The following HS3ST4 variants were observed in gnomAD, a reference collection of about 807,000 sequenced individuals.
The protein encoded by HS3ST4 is heparan sulfate glucosamine 3-O-sulfotransferase 4.
HS3ST4 carries 17 observed loss-of-function variants against 29.2 expected under a neutral mutation model. That is an observed-to-expected ratio of 0.58 (90% CI 0.40 to 0.87). The LOEUF (loss-of-function observed/expected upper bound fraction) is 0.87. Among genes scored for constraint, HS3ST4 ranks in the 40% least tolerant of loss-of-function variants. The probability of loss-of-function intolerance (pLI) is 0.00; values close to 1 mark genes in which losing one functional copy is unlikely to be tolerated. For missense variants in HS3ST4, 627 were observed against 634.5 expected (o/e 0.99, Z 0.13); for synonymous variants, 314 against 285.7 (o/e 1.10, Z -1.00).
intron 1 of HS3ST4, among the ~76,000 whole-genome samples, chr16:25,990,112 T>C (rs1481723403): frequency 6.6e-6 from 1 of 152,250 alleles, no homozygotes; most frequent in Admixed American, 6.5e-5. Context: ...CATTTCTTTT[T>C]AGTGCTGAAT....
intron 1 of HS3ST4, among the ~76,000 whole-genome samples, chr16:25,979,192 G>A (rs564518574): frequency 7.9e-5 from 12 of 152,162 alleles, no homozygotes; most frequent in South Asian, 2.1e-4. Flanking sequence ...CACTGCGTCT[G>A]GCCGACTTGT....
At chr16:25,926,095 T>C (rs1033293275) in intron 1 of HS3ST4, among the ~76,000 whole-genome samples, 3 of 152,232 alleles carry the variant, frequency 2.0e-5, no homozygotes, top group African/African-American at 7.2e-5. Flanking sequence ...AAAACTTTAC[T>C]ACATTAAATG....
rs571180595 is a variant in HS3ST4, at chr16:26,093,430, T to C, written c.735-42182T>C. On this transcript the variant is annotated intron_variant, in intron 1 of 1. Transcript: ENST00000331351. ...AGCAATATTTGCTGTTCTGCAATATTTGCTGTTCTGCAGCCTCTGCTGATG... is the reference window on the plus strand; with the variant it reads ...AGCAATATTTGCTGTTCTGCAATATCTGCTGTTCTGCAGCCTCTGCTGATG... Among the ~76,000 whole-genome samples, 3 of 152,300 alleles carry C rather than the reference T, an allele frequency of 2.0e-5. No individual in the cohort carries two copies. In the East Asian group the frequency reaches 5.8e-4, roughly 29 times the overall value.
chr16:25,885,758 T>G (rs999406820), intron 1 of HS3ST4, among the ~76,000 whole-genome samples: 1 of 151,970 alleles, frequency 6.6e-6, no homozygotes, highest in Admixed American at 6.6e-5. Context: ...TTAGTATCTT[T>G]AGTTTGACTC....
chr16:25,929,108 G>A (rs1345655112), intron 1 of HS3ST4, among the ~76,000 whole-genome samples: 2 of 152,220 alleles, frequency 1.3e-5, no homozygotes, highest in African/African-American at 4.8e-5. Flanking sequence ...AGGTGGACCG[G>A]CGTGGGGGCT....
chr16:25,720,323 T>C (rs1370530952), intron 1 of HS3ST4, among the ~76,000 whole-genome samples: 1 of 152,046 alleles, frequency 6.6e-6, no homozygotes. Flanking sequence ...GCTAGATAGG[T>C]AGGAGCCAGA....
At chr16:25,721,087 CA>C (rs1158578145) in intron 1 of HS3ST4, among the ~76,000 whole-genome samples, 1 of 152,270 alleles carries the variant, frequency 6.6e-6, no homozygotes, top group East Asian at 1.9e-4. Flanking sequence ...AGTGACACTT[CA>C]ACTGAGAAGT....
At chr16:26,113,938 G>T (rs1899168565) in intron 1 of HS3ST4, among the ~76,000 whole-genome samples, 1 of 152,176 alleles carries the variant, frequency 6.6e-6, no homozygotes, top group South Asian at 2.1e-4. Flanking sequence ...ATATCTGCAT[G>T]TGTGTGTATA....
In HS3ST4 at chr16:25,793,034, A is replaced by C. The variant is rs78669527; in HGVS notation, c.734+99883A>C. ...TTTGTTTTACTCATGGTTACTAACA[A>C]TTGTGTTACTTACTTTCCAAACATT... On this transcript the variant is annotated intron_variant, in intron 1 of 1. Coordinates refer to ENST00000331351, the MANE Select transcript of HS3ST4 (RefSeq NM_006040.3). Among the ~76,000 whole-genome samples, 27 of 151,990 alleles carry C rather than the reference A, an allele frequency of 1.8e-4. No individual in the cohort carries two copies. The East Asian group carries it at 5.0e-3, about 28-fold the overall frequency.
intron 1 of HS3ST4, among the ~76,000 whole-genome samples, chr16:25,786,304 C>T (rs754874589): frequency 1.3e-5 from 2 of 152,080 alleles, no homozygotes; most frequent in African/African-American, 4.8e-5. Flanking sequence ...CGACTGGAGT[C>T]CATGCTCTGA....
intron 1 of HS3ST4, among the ~76,000 whole-genome samples, chr16:25,983,224 C>G (rs2141723656): frequency 6.6e-6 from 1 of 152,332 alleles, no homozygotes; most frequent in Non-Finnish European, 1.5e-5. Context: ...CCCCAACCCA[C>G]TTCTATTCCA....
chr16:25,814,249 A>G (rs909870619), intron 1 of HS3ST4, among the ~76,000 whole-genome samples: 5 of 152,162 alleles, frequency 3.3e-5, no homozygotes, highest in African/African-American at 1.2e-4. Context: ...ATAATTATGG[A>G]ATGCAGCAGA....
intron 1 of HS3ST4, among the ~76,000 whole-genome samples, chr16:25,767,677 G>A (rs1966828972): frequency 2.0e-5 from 3 of 152,136 alleles, no homozygotes; most frequent in African/African-American, 7.2e-5. Flanking sequence ...GGCAGTTTCT[G>A]GTTATGGGAT....
chr16:25,806,295 A>G (rs1158756206), intron 1 of HS3ST4, among the ~76,000 whole-genome samples: 1 of 152,222 alleles, frequency 6.6e-6, no homozygotes, highest in East Asian at 1.9e-4. Flanking sequence ...TCTCTGGTCA[A>G]TTCATCTGTG....
At chr16:25,875,817 C>T (rs190319542) in intron 1 of HS3ST4, among the ~76,000 whole-genome samples, 1 of 152,166 alleles carries the variant, frequency 6.6e-6, no homozygotes, top group East Asian at 1.9e-4. Flanking sequence ...GATCCAGAAA[C>T]CCAAGGACCA....
At chr16:25,811,513 A>G (rs549129675) in intron 1 of HS3ST4, among the ~76,000 whole-genome samples, 55 of 147,378 alleles carry the variant, frequency 3.7e-4, no homozygotes, top group Admixed American at 6.9e-4. Flanking sequence ...GGCCCACTGC[A>G]ACCTCCGCCT....
intron 1 of HS3ST4, among the ~76,000 whole-genome samples, chr16:25,776,152 G>C (rs575703395): frequency 6.6e-6 from 1 of 152,156 alleles, no homozygotes; most frequent in African/African-American, 2.4e-5. Context: ...TTTCTACATA[G>C]CAATGTAGGA....
At chr16:25,985,187 G>A (rs1969049338) in intron 1 of HS3ST4, among the ~76,000 whole-genome samples, 1 of 152,198 alleles carries the variant, frequency 6.6e-6, no homozygotes, top group South Asian at 2.1e-4. Flanking sequence ...TTACAGGGTT[G>A]CATTGGGAAC....
chr16:25,883,954 A>C (rs995757866), intron 1 of HS3ST4, among the ~76,000 whole-genome samples: 1 of 152,078 alleles, frequency 6.6e-6, no homozygotes. Flanking sequence ...GTCTACTAAA[A>C]ACACAAAAAT....
Sources: allele counts gnomAD v4.1 joint callset (sites outside exome capture counted in the v4.1 genomes callset), GRCh38; gene constraint gnomAD v4.1.1; transcripts MANE v1.5; gene names NCBI Gene and HGNC (gene_info 2026-07-23, HGNC 2026-07-21).